The following PANX1 variants were observed in gnomAD, a reference collection of about 807,000 sequenced individuals.
PANX1 encodes pannexin 1.
Under a neutral mutation model 38.7 loss-of-function variants are expected in PANX1, and 30 were observed. The ratio of observed to expected loss-of-function variants is 0.78; its 90% CI spans 0.58 to 1.05. The LOEUF is 1.05. PANX1 is among the 50% of genes least tolerant of loss of function. PANX1 has a pLI of 0.00. For missense variants in PANX1, 551 were observed against 517.2 expected, an observed-to-expected ratio of 1.07 and a Z score of -0.63; for synonymous variants, 230 against 212.2, an observed-to-expected ratio of 1.08 and a Z score of -0.73.
chr11:94,169,581 C>G lies in PANX1; in HGVS notation c.322-8788C>G, dbSNP rs1169073917. Among the ~76,000 whole-genome samples, 2 of 151,644 alleles carry G rather than the reference C, an allele frequency of 1.3e-5. 1 individual carries two copies. Among genetic ancestry groups the G allele is most frequent in the African/African-American group, 4.9e-5 (2 of 40,926 alleles). The stretch of plus-strand genomic sequence containing the variant: ...TTACTGCAGTAGGGTGGGCCTTTAA[C>G]TCAGTATGACTGCTATCCTCATAAG... On this transcript the variant is annotated intron_variant, in intron 2 of 4. Transcript: ENST00000227638.
At position 94,179,590 on chromosome 11, in the gene PANX1, T is replaced by G. The variant is rs371219795; in HGVS notation, c.546-12T>G. 1.0e-5 allele frequency: 16 copies of G among 1,606,414 alleles called. No homozygotes were observed. The African/African-American group carries it at 2.0e-4, about 20-fold the overall frequency. On this transcript the variant is annotated splice_polypyrimidine_tract_variant and intron_variant, in intron 3 of 4. Transcript: ENST00000227638. ...GAGTGCCTAAGTTATTTTTGTTTCC[T>G]TTATTTTTTAGTTTGTGGGAGGTAT...
At chr11:94,175,895 G>A (rs1947227126) in intron 2 of PANX1, 1 of 984,744 alleles carries the variant, frequency 1.0e-6, no homozygotes, top group African/African-American at 1.8e-5. Context: ...CTTGGTAAGA[G>A]GGCTTTGCAA....
chr11:94,147,848 C>G (rs1368556050), intron 1 of PANX1, among the ~76,000 whole-genome samples: 1 of 152,126 alleles, frequency 6.6e-6, no homozygotes, highest in African/African-American at 2.4e-5. Flanking sequence ...AGGGGCAAAC[C>G]ATTCATTCTA....
intron 2 of PANX1, among the ~76,000 whole-genome samples, chr11:94,156,611 G>C (rs11826118): frequency 0.055 from 8,416 of 152,086 alleles, 794 homozygotes; most frequent in African/African-American, 0.19. Flanking sequence ...CGGGGATTAC[G>C]AGTGTCTGGT....
intron 2 of PANX1, among the ~76,000 whole-genome samples, chr11:94,162,783 C>T (rs1947060220): frequency 3.3e-5 from 5 of 151,910 alleles, no homozygotes; most frequent in Admixed American, 2.0e-4. Flanking sequence ...GTTGGAAATG[C>T]AGAAATTACC....
chr11:94,155,381 G>A (rs952945606), intron 2 of PANX1, among the ~76,000 whole-genome samples: 3 of 151,080 alleles, frequency 2.0e-5, no homozygotes, highest in African/African-American at 4.9e-5. Context: ...AGGCATGCTG[G>A]TGCATGCCTG....
chr11:94,176,747 C>G (rs924912747), intron 2 of PANX1, among the ~76,000 whole-genome samples: 2 of 151,586 alleles, frequency 1.3e-5, no homozygotes, highest in Non-Finnish European at 2.9e-5. Context: ...GAGAAGTTTT[C>G]CAGAGGAGTA....
intron 2 of PANX1, among the ~76,000 whole-genome samples, chr11:94,174,911 A>G (rs991486468): frequency 6.6e-6 from 1 of 151,784 alleles, no homozygotes; most frequent in Non-Finnish European, 1.5e-5. Context: ...TTCCAGAAAC[A>G]GCACACATTT....
chr11:94,150,847 C>T (rs1946875858), intron 1 of PANX1, among the ~76,000 whole-genome samples: 1 of 152,172 alleles, frequency 6.6e-6, no homozygotes, highest in Non-Finnish European at 1.5e-5. Context: ...TTCCTGGCCA[C>T]TTGGAGGAAC....
At chr11:94,160,578 C>G (rs767207758) in intron 2 of PANX1, among the ~76,000 whole-genome samples, 17 of 152,030 alleles carry the variant, frequency 1.1e-4, no homozygotes, top group Non-Finnish European at 2.1e-4. Flanking sequence ...CATTTGCTTG[C>G]TAGATCTTCC....
At chr11:94,160,450 T>G (rs556590846) in intron 2 of PANX1, among the ~76,000 whole-genome samples, 9 of 152,336 alleles carry the variant, frequency 5.9e-5, no homozygotes, top group Non-Finnish European at 1.2e-4. Flanking sequence ...TAGCTCTTCT[T>G]GTTGAATTGA....
intron 1 of PANX1, among the ~76,000 whole-genome samples, chr11:94,132,038 G>A (rs1946636311): frequency 6.6e-6 from 1 of 152,132 alleles, no homozygotes. Flanking sequence ...CTGGTGCTTG[G>A]AATACTCTTT....
intron 2 of PANX1, among the ~76,000 whole-genome samples, chr11:94,162,477 A>G (rs906707645): frequency 6.6e-6 from 1 of 152,146 alleles, no homozygotes; most frequent in Admixed American, 6.5e-5. Flanking sequence ...CTGCTGTGCT[A>G]GCAATGAGCG....
At chr11:94,158,693 A>C (rs1946984509) in intron 2 of PANX1, among the ~76,000 whole-genome samples, 1 of 152,208 alleles carries the variant, frequency 6.6e-6, no homozygotes, top group African/African-American at 2.4e-5. Flanking sequence ...GTCATCTGCA[A>C]ACAGGGACAA....
At chr11:94,141,802 C>T (rs536014392) in intron 1 of PANX1, among the ~76,000 whole-genome samples, 3 of 152,228 alleles carry the variant, frequency 2.0e-5, no homozygotes, top group African/African-American at 4.8e-5. Context: ...TTTCTCAGTG[C>T]CTAGCCTCCT....
chr11:94,139,054 C>G (rs192500762), intron 1 of PANX1, among the ~76,000 whole-genome samples: 2 of 152,122 alleles, frequency 1.3e-5, no homozygotes, highest in African/African-American at 2.4e-5. Flanking sequence ...GGAACCCGTT[C>G]GTTATTCATT....
chr11:94,130,890 T>C (rs1173239303), intron 1 of PANX1, among the ~76,000 whole-genome samples: 1 of 152,244 alleles, frequency 6.6e-6, no homozygotes, highest in Non-Finnish European at 1.5e-5. Context: ...TCTGCAGCAC[T>C]AAGTTGTTCA....
chr11:94,130,319 G>A (rs1946613810), intron 1 of PANX1, among the ~76,000 whole-genome samples: 1 of 152,142 alleles, frequency 6.6e-6, no homozygotes, highest in Non-Finnish European at 1.5e-5. Flanking sequence ...GAGGGTGGGT[G>A]GGATTTGGAC....
intron 2 of PANX1, among the ~76,000 whole-genome samples, chr11:94,167,768 T>G (rs942054280): frequency 4.6e-5 from 7 of 152,246 alleles, no homozygotes; most frequent in African/African-American, 1.7e-4. Context: ...GCCTACCATA[T>G]GCTGGAATGT....
Sources: allele counts gnomAD v4.1 joint callset (sites outside exome capture counted in the v4.1 genomes callset), GRCh38; gene constraint gnomAD v4.1.1; transcripts MANE v1.5; gene names NCBI Gene and HGNC (gene_info 2026-07-23, HGNC 2026-07-21).